The following NRXN3 variants were observed in gnomAD, a reference collection of about 807,000 sequenced individuals.
NRXN3 encodes neurexin 3.
A neutral mutation model predicts 137.6 loss-of-function variants in NRXN3; 32 were observed. The ratio of observed to expected loss-of-function variants is 0.23; its 90% confidence interval spans 0.18 to 0.31. The LOEUF is 0.31. NRXN3 is among the 10% of genes least tolerant of loss of function. The pLI, the probability that NRXN3 is intolerant of heterozygous loss-of-function variation, is 1.00. For synonymous variants in NRXN3, 798 were observed against 784.5 expected (o/e 1.02, Z -0.29); for missense variants, 1,574 against 2,062.5 (o/e 0.76, Z 4.59).
At chr14:78,976,243 TC>T (rs1255704046) in intron 14 of NRXN3, among the ~76,000 whole-genome samples, 2 of 152,200 alleles carry the variant, frequency 1.3e-5, no homozygotes, top group Admixed American at 1.3e-4. Context: ...ATTAGAATCT[TC>T]CTATTCCATC....
At chr14:78,391,768 A>T (rs1056703412) in intron 4 of NRXN3, among the ~76,000 whole-genome samples, 1 of 152,238 alleles carries the variant, frequency 6.6e-6, no homozygotes, top group Non-Finnish European at 1.5e-5. Context: ...ATATTTTCTC[A>T]TATAATCTCA....
chr14:78,282,972 A>G (rs1259889517), intron 3 of NRXN3: 1 of 152,150 alleles, frequency 6.6e-6, no homozygotes, highest in Admixed American at 6.5e-5. Flanking sequence ...CTAGGTGTAT[A>G]CTCATTAAAG....
chr14:79,354,080 T>TG (rs1373622965), intron 15 of NRXN3, among the ~76,000 whole-genome samples: 1 of 152,170 alleles, frequency 6.6e-6, no homozygotes, highest in African/African-American at 2.4e-5. Flanking sequence ...TAAGTGAAAG[T>TG]GACACATTCT....
chr14:79,507,491 A>G (rs1022746321), intron 16 of NRXN3, among the ~76,000 whole-genome samples: 2 of 152,202 alleles, frequency 1.3e-5, no homozygotes, highest in African/African-American at 4.8e-5. Context: ...CTGGGGTAAA[A>G]TTGTTTCTTT....
At chr14:78,235,378 C>T (rs1596239488) in intron 1 of NRXN3, among the ~76,000 whole-genome samples, 1 of 152,132 alleles carries the variant, frequency 6.6e-6, no homozygotes, top group East Asian at 1.9e-4. Context: ...GAGCCTGTGT[C>T]CTAATGGGTT....
At chr14:78,363,241 G>A (rs922163141) in intron 4 of NRXN3, among the ~76,000 whole-genome samples, 2 of 152,114 alleles carry the variant, frequency 1.3e-5, no homozygotes, top group Non-Finnish European at 2.9e-5. Flanking sequence ...TGCATGGCCC[G>A]TCATGAAGCA....
chr14:79,386,319 C>T (rs986392572), intron 15 of NRXN3, among the ~76,000 whole-genome samples: 1 of 152,100 alleles, frequency 6.6e-6, no homozygotes, highest in Admixed American at 6.6e-5. Context: ...AACAGACAAA[C>T]AGAGAGCCAA....
intron 15 of NRXN3, among the ~76,000 whole-genome samples, chr14:79,386,727 C>G (rs2094631586): frequency 6.6e-6 from 1 of 152,056 alleles, no homozygotes; most frequent in Non-Finnish European, 1.5e-5. Context: ...GTAACCAAAA[C>G]AGCATGGTAC....
At chr14:78,999,979 A>G (rs1183842118) in intron 15 of NRXN3, among the ~76,000 whole-genome samples, 1 of 152,208 alleles carries the variant, frequency 6.6e-6, no homozygotes, top group African/African-American at 2.4e-5. Flanking sequence ...TGATTGAAGA[A>G]GTTGGATGCA....
chr14:78,462,840 T>C (rs1212015049), intron 4 of NRXN3, among the ~76,000 whole-genome samples: 1 of 152,220 alleles, frequency 6.6e-6, no homozygotes, highest in Non-Finnish European at 1.5e-5. Flanking sequence ...CTCTGACACA[T>C]TGGTTGAGGA....
intron 15 of NRXN3, among the ~76,000 whole-genome samples, chr14:79,115,325 CAAAA>C (rs11426637): frequency 7.6e-6 from 1 of 131,176 alleles, no homozygotes; most frequent in Admixed American, 7.8e-5. Flanking sequence ...AACTCTGTCT[CAAAA>C]AAAAAAAAAA....
chr14:78,675,740 A>T (rs1311222737), intron 6 of NRXN3, among the ~76,000 whole-genome samples: 1 of 152,170 alleles, frequency 6.6e-6, no homozygotes, highest in Non-Finnish European at 1.5e-5. Flanking sequence ...TTAAAATTTG[A>T]CTATTCAGGC....
chr14:79,141,436 C>G (rs921361320), intron 15 of NRXN3, among the ~76,000 whole-genome samples: 2 of 152,146 alleles, frequency 1.3e-5, no homozygotes, highest in African/African-American at 4.8e-5. Context: ...TAAATGTAAG[C>G]TGCTATAGTT....
chr14:78,822,601 G>A (rs961060915), intron 10 of NRXN3, among the ~76,000 whole-genome samples: 3 of 151,916 alleles, frequency 2.0e-5, no homozygotes, highest in Non-Finnish European at 2.9e-5. Flanking sequence ...CTTGAACCTG[G>A]GAGGTGGAGG....
At chr14:79,263,290 C>G (rs945507395) in intron 15 of NRXN3, among the ~76,000 whole-genome samples, 3 of 152,254 alleles carry the variant, frequency 2.0e-5, no homozygotes, top group Non-Finnish European at 4.4e-5. Flanking sequence ...TAAAAGATTA[C>G]CAATCTTACC....
chr14:78,306,733 T>C (rs1294542595), intron 4 of NRXN3, among the ~76,000 whole-genome samples: 1 of 152,146 alleles, frequency 6.6e-6, no homozygotes, highest in Non-Finnish European at 1.5e-5. Flanking sequence ...GGGTGACATG[T>C]ATCAGAATTA....
At position 79,100,060 on chromosome 14, in the gene NRXN3, A is replaced by T. The variant is rs555067201; in HGVS notation, c.3262+111919A>T. Among the ~76,000 whole-genome samples the T allele has an allele frequency of 2.0e-5, 3 of 152,336 alleles. No individual in the cohort carries two copies. The East Asian group carries it at 5.8e-4, about 29-fold the overall frequency. ...CTCATGCTAGGAGAAGGGGAAAAGC[A>T]TTGGTATTTCCCTTAAAGAGACCAT... On this transcript the variant is annotated intron_variant, in intron 15 of 20. Coordinates refer to ENST00000335750, the MANE Select transcript of NRXN3 (RefSeq NM_001330195.2).
intron 1 of NRXN3, among the ~76,000 whole-genome samples, chr14:78,184,901 G>T (rs1331505506): frequency 6.6e-6 from 1 of 152,238 alleles, no homozygotes; most frequent in Non-Finnish European, 1.5e-5. Context: ...TGTTGCTCGA[G>T]TTTGGATGCT....
chr14:79,560,504 C>CTTTT lies in NRXN3; in HGVS notation c.3444+93123_3444+93126dup, dbSNP rs34025659. 1.2e-3 allele frequency among the ~76,000 whole-genome samples: 52 copies of CTTTT among 43,762 alleles called. 9 individuals are homozygous for CTTTT. The highest frequency in any genetic ancestry group is 2.3e-3 in the African/African-American group (28 of 12,286). The allele number at this position is 43,762 out of a possible 152,430, so 28.7% of individuals were successfully genotyped here. A position where few individuals can be genotyped will look rare whatever the true frequency, so the allele number is the denominator to read the frequency against. ...AATTCTACAAGGACAAGATTGTAAG[C>CTTTT]TTTTTTTTTTTTTTTTTTTTTTTTG... On this transcript the variant is annotated intron_variant, in intron 16 of 20. Coordinates refer to ENST00000335750, the MANE Select transcript of NRXN3 (RefSeq NM_001330195.2).
Sources: allele counts gnomAD v4.1 joint callset (sites outside exome capture counted in the v4.1 genomes callset), GRCh38; gene constraint gnomAD v4.1.1; transcripts MANE v1.5; gene names NCBI Gene and HGNC (gene_info 2026-07-23, HGNC 2026-07-21).